The following NTRK3 variants were observed in gnomAD, a reference collection of about 807,000 sequenced individuals.
The protein encoded by NTRK3 is neurotrophic receptor tyrosine kinase 3.
Under a neutral mutation model 91.7 loss-of-function variants are expected in NTRK3, and 24 were observed. That is an observed-to-expected ratio of 0.26 (90% confidence interval 0.19 to 0.37). NTRK3 has a LOEUF of 0.37. Among genes scored for constraint, NTRK3 ranks in the 10% least tolerant of loss-of-function variants. The pLI is 1.00. For synonymous variants in NTRK3, 483 were observed against 404.0 expected (o/e 1.20, Z -2.34); for missense variants, 880 against 1,068.9 (o/e 0.82, Z 2.46).
intron 6 of NTRK3, among the ~76,000 whole-genome samples, chr15:88,140,032 G>A (rs1377689069): frequency 6.6e-6 from 1 of 152,172 alleles, no homozygotes; most frequent in East Asian, 1.9e-4. Context: ...GACAGAAAAT[G>A]TGTCAAGGAG....
chr15:87,933,214 A>G, intron 15 of NTRK3, 30 bp from the exon 16 acceptor site: 1 of 1,613,014 alleles, frequency 6.2e-7, no homozygotes, highest in African/African-American at 1.3e-5. Context: ...CAGGTGTTTA[A>G]CAACTACAGG....
At chr15:87,932,884 T>C (rs2068930021) in intron 16 of NTRK3, 128 bp downstream of exon 16, 1 of 926,732 alleles carries the variant, frequency 1.1e-6, no homozygotes, top group African/African-American at 1.6e-5. Flanking sequence ...AGAATGAATG[T>C]GTTCATCTAA....
At chr15:87,952,880 C>G (rs990919448) in intron 14 of NTRK3, among the ~76,000 whole-genome samples, 2 of 152,052 alleles carry the variant, frequency 1.3e-5, no homozygotes, top group Non-Finnish European at 2.9e-5. Flanking sequence ...AAGCCTCTCG[C>G]TCTGGCCCTC....
At position 88,234,091 on chromosome 15, in the gene NTRK3, G is replaced by T. The variant is rs141821210; in HGVS notation, c.248+21815C>A. On this transcript the variant is annotated intron_variant, in intron 3 of 18. Transcript: ENST00000394480. This position sits in a 1 kb window ranked among gnomAD's most constrained non-coding sequence, Gnocchi z 6.1. ...AAGCCTTCTTCTCATGGCAAAGGAG[G>T]TCCACAGTCACCGTCCTGTGCCAGG... Among the ~76,000 whole-genome samples the T allele has an allele frequency of 4.1e-3, 631 of 152,206 alleles. 3 individuals are homozygous for T. Among genetic ancestry groups the T allele is most frequent in the African/African-American group, 0.014 (602 of 41,540 alleles).
At chr15:88,137,202 C>A (rs1348010528) in intron 7 of NTRK3, among the ~76,000 whole-genome samples, 1 of 152,208 alleles carries the variant, frequency 6.6e-6, no homozygotes, top group Non-Finnish European at 1.5e-5. Flanking sequence ...AACCAGTCTT[C>A]CTATGGCTCG....
At chr15:87,976,229 T>C (rs760996094) in intron 14 of NTRK3, among the ~76,000 whole-genome samples, 6 of 152,166 alleles carry the variant, frequency 3.9e-5, no homozygotes, top group Non-Finnish European at 7.3e-5. Flanking sequence ...CAAGAAGAGA[T>C]AAATGCCGAG....
exon 19 of NTRK3, chr15:87,862,039 A>C (rs1431485121): frequency 4.7e-6 from 1 of 214,390 alleles, no homozygotes; most frequent in Non-Finnish European, 9.4e-6. Flanking sequence ...AACTTTTTAA[A>C]TATGGGAAGG....
At chr15:88,061,439 G>A (rs2046205448) in intron 13 of NTRK3, among the ~76,000 whole-genome samples, 2 of 152,200 alleles carry the variant, frequency 1.3e-5, no homozygotes, top group Admixed American at 6.5e-5. Context: ...CAAGGTGTGG[G>A]GTGGGTCAGC....
At chr15:87,942,133 T>A (rs28495257) in intron 14 of NTRK3, among the ~76,000 whole-genome samples, 70,558 of 152,086 alleles carry the variant, frequency 0.46, 17,418 homozygotes, top group African/African-American at 0.64. Flanking sequence ...TTTTCCTCCC[T>A]TCAGAGTCCT....
intron 17 of NTRK3, among the ~76,000 whole-genome samples, chr15:87,910,183 A>G (rs141809627): frequency 4.6e-5 from 7 of 152,300 alleles, no homozygotes; most frequent in Non-Finnish European, 8.8e-5. Flanking sequence ...TTACTCACAC[A>G]AGGCTCCAAA....
chr15:88,122,478 G>A (rs2052824865), intron 13 of NTRK3, among the ~76,000 whole-genome samples: 1 of 152,156 alleles, frequency 6.6e-6, no homozygotes, highest in South Asian at 2.1e-4. Flanking sequence ...ATGGAGATGG[G>A]GATGGGAATA....
chr15:88,126,739 A>C (rs1220639663), intron 12 of NTRK3, among the ~76,000 whole-genome samples: 2 of 152,204 alleles, frequency 1.3e-5, no homozygotes. Context: ...CTTATCCAGG[A>C]AAGTCGAAAA....
Position 88,088,007 on chromosome 15 carries a change from C to T in NTRK3, c.1396+38264G>A, listed in dbSNP as rs1004406644. 5.3e-5 allele frequency among the ~76,000 whole-genome samples: 8 copies of T among 152,178 alleles called. No individual in the cohort carries two copies. The East Asian group carries it at 7.7e-4, about 15-fold the overall frequency. Reference sequence around the variant, plus strand: ...TAGAGGCTGCAGTGAGCCAAGATCACGCCACTCCACTCCAGCCTGGGAAAC... The same window carrying T: ...TAGAGGCTGCAGTGAGCCAAGATCATGCCACTCCACTCCAGCCTGGGAAAC... On this transcript the variant is annotated intron_variant, in intron 13 of 18. Coordinates refer to ENST00000394480, the Ensembl canonical transcript of NTRK3.
intron 13 of NTRK3, among the ~76,000 whole-genome samples, chr15:88,069,447 A>G (rs756448070): frequency 7.9e-5 from 12 of 152,216 alleles, no homozygotes; most frequent in Non-Finnish European, 1.8e-4. Context: ...GTGGCATGCT[A>G]ACACCTGGGA....
intron 13 of NTRK3, among the ~76,000 whole-genome samples, chr15:88,034,204 A>T (rs1007681441): frequency 7.9e-5 from 12 of 152,174 alleles, no homozygotes; most frequent in African/African-American, 2.9e-4. Flanking sequence ...TACAAATGAC[A>T]GTAACGAAGC....
intron 14 of NTRK3, among the ~76,000 whole-genome samples, chr15:87,991,926 T>C (rs1395169309): frequency 6.6e-6 from 1 of 151,974 alleles, no homozygotes; most frequent in Non-Finnish European, 1.5e-5. Context: ...GTGATTTTTT[T>C]TTTTAATTTT....
At chr15:88,248,970 A>C (rs1037990414) in intron 3 of NTRK3, among the ~76,000 whole-genome samples, 1 of 152,200 alleles carries the variant, frequency 6.6e-6, no homozygotes, top group East Asian at 1.9e-4. Context: ...AGATAAGGAA[A>C]TTGAGACCCA....
chr15:88,248,650 T>C (rs1429254402), intron 3 of NTRK3, among the ~76,000 whole-genome samples: 1 of 152,154 alleles, frequency 6.6e-6, no homozygotes, highest in East Asian at 1.9e-4. Context: ...ACTGGCTGCA[T>C]GAAATTAAGT....
rs144306727 is a variant in NTRK3 at position 88,013,475 on chromosome 15, G to C, written c.1585+19382C>G. ...ACAATGAAATGCAAGAAGAGTCCCAGTGTGCTGTTTGTCAACTGTAAATCG... is the reference window on the plus strand; with the variant it reads ...ACAATGAAATGCAAGAAGAGTCCCACTGTGCTGTTTGTCAACTGTAAATCG... On this transcript the variant is annotated intron_variant, in intron 14 of 18. Transcript: ENST00000394480. Among the ~76,000 whole-genome samples the C allele has an allele frequency of 3.1e-4, 47 of 152,316 alleles. No individual in the cohort carries two copies. In the Middle Eastern group the frequency reaches 0.01, roughly 33 times the overall value.
Sources: gnomAD v4.1 joint callset for allele counts (sites outside exome capture counted in the v4.1 genomes callset) on GRCh38, gnomAD v4.1.1 for gene constraint, Gnocchi (gnomAD v3.1) non-coding constraint, MANE v1.5 for transcripts, NCBI Gene and HGNC (gene_info 2026-07-23, HGNC 2026-07-21) for gene names.